The following MACC1 variants were observed in gnomAD, a reference collection of about 807,000 sequenced individuals.
MACC1 encodes MET transcriptional regulator MACC1, also known as metastasis-associated in colon cancer protein 1.
In MACC1, 79 loss-of-function variants were observed where a neutral mutation model predicts 70.7. That is an observed-to-expected ratio of 1.12 (90% CI 0.93 to 1.35). The LOEUF is 1.35. Among genes scored for constraint, MACC1 ranks in the 40% most tolerant of loss-of-function variants. MACC1 has a pLI of 0.00. For synonymous variants in MACC1, 361 were observed against 347.2 expected (o/e 1.04, Z -0.44); for missense variants, 1,106 against 978.1 (o/e 1.13, Z -1.74).
intron 1 of MACC1, among the ~76,000 whole-genome samples, chr7:20,209,598 C>T (rs1415749906): frequency 2.6e-5 from 4 of 152,158 alleles, no homozygotes; most frequent in Non-Finnish European, 5.9e-5. Context: ...TTTACAGACT[C>T]ATAGGGAGAA....
In MACC1 at chr7:20,168,577, A is replaced by G. The variant is rs147712566; in HGVS notation, c.-153+2137T>C. Among the ~76,000 whole-genome samples the G allele has an allele frequency of 8.2e-3, 1,247 of 152,306 alleles. 30 individuals carry two copies. The highest frequency in any genetic ancestry group is 0.038 in the Admixed American group (585 of 15,298). ...TACTGGGGACAGTATCCTCGGTCCCACCTTTTACAGTATGTTCAACAGTAA... is the reference window on the plus strand; with the variant it reads ...TACTGGGGACAGTATCCTCGGTCCCGCCTTTTACAGTATGTTCAACAGTAA... On this transcript the variant is annotated intron_variant, in intron 2 of 6. Coordinates refer to ENST00000400331, the MANE Select transcript of MACC1 (RefSeq NM_182762.4).
chr7:20,174,173 T>C lies in MACC1; in HGVS notation c.-217-3395A>G, dbSNP rs547645576. Among the ~76,000 whole-genome samples the C allele has an allele frequency of 5.3e-5, 8 of 152,288 alleles. No homozygotes were observed. In the South Asian group the frequency reaches 1.7e-3, roughly 32 times the overall value. On this transcript the variant is annotated intron_variant, in intron 1 of 6. Transcript: ENST00000400331. ...TTATGAATAAATATTGGTGTAATTATTAAAATTAAATGATAATGCAATATG... is the reference window on the plus strand; with the variant it reads ...TTATGAATAAATATTGGTGTAATTACTAAAATTAAATGATAATGCAATATG...
At chr7:20,199,870 T>C (rs912266833) in intron 1 of MACC1, among the ~76,000 whole-genome samples, 19 of 152,262 alleles carry the variant, frequency 1.2e-4, no homozygotes, top group African/African-American at 4.6e-4. Context: ...AAATGTTCTA[T>C]AAAATGAATC....
intron 1 of MACC1, among the ~76,000 whole-genome samples, chr7:20,180,714 G>C (rs1244715794): frequency 6.6e-6 from 1 of 152,042 alleles, no homozygotes; most frequent in African/African-American, 2.4e-5. Flanking sequence ...AGATGTGGTG[G>C]TGCGTGTCTG....
At chr7:20,178,652 T>C (rs1386711573) in intron 1 of MACC1, among the ~76,000 whole-genome samples, 1 of 152,204 alleles carries the variant, frequency 6.6e-6, no homozygotes, top group Non-Finnish European at 1.5e-5. Flanking sequence ...CAGGCAGGAG[T>C]GCAAAGGCGC....
At chr7:20,177,792 T>TA (rs1782419871) in intron 1 of MACC1, among the ~76,000 whole-genome samples, 1 of 150,514 alleles carries the variant, frequency 6.6e-6, no homozygotes, top group Non-Finnish European at 1.5e-5. Flanking sequence ...TCCAATGAAA[T>TA]AAAGTATTTA....
At chr7:20,188,855 T>C (rs1782628646) in intron 1 of MACC1, among the ~76,000 whole-genome samples, 1 of 152,236 alleles carries the variant, frequency 6.6e-6, no homozygotes, top group Non-Finnish European at 1.5e-5. Context: ...TCATATGACT[T>C]GTCTGTTCAA....
chr7:20,175,339 C>A (rs1782375091), intron 1 of MACC1, among the ~76,000 whole-genome samples: 1 of 151,960 alleles, frequency 6.6e-6, no homozygotes, highest in South Asian at 2.1e-4. Context: ...TGAATATGTA[C>A]AAAATATATA....
intron 1 of MACC1, among the ~76,000 whole-genome samples, chr7:20,183,710 CTTT>C (rs59702885): frequency 1.4e-5 from 2 of 140,560 alleles, no homozygotes; most frequent in African/African-American, 2.7e-5. Context: ...CTGATTCTAA[CTTT>C]TTTTTTTTTT....
At chr7:20,166,990 G>A (rs561074612) in intron 2 of MACC1, among the ~76,000 whole-genome samples, 1 of 152,050 alleles carries the variant, frequency 6.6e-6, no homozygotes, top group Non-Finnish European at 1.5e-5. Context: ...TGGAAGAAAA[G>A]GTATAAAGGA....
rs746708741 is a variant in MACC1 at position 20,158,635 on chromosome 7, C to T, written c.1726G>A (p.Asp576Asn). ...IDYFLEYFKG[D>N]TIALLGEGKV... ...CCTTCCCCGAGGAGAGCTATTGTGT[C>T]CCCTTTGAAATATTCAAGGAAGTAA... Residue 576 changes from aspartate (D) to asparagine (N), a missense_variant, in exon 5 of 7, where the codon GAC becomes AAC. By Grantham distance (23) the Asp-to-Asn change is conservative (BLOSUM62 1). Coordinates refer to ENST00000400331, the MANE Select transcript of MACC1 (RefSeq NM_182762.4). 3 of 1,613,898 alleles carry T rather than the reference C, an allele frequency of 1.9e-6. No individual in the cohort carries two copies. The highest frequency in any genetic ancestry group is 2.5e-6 in the Non-Finnish European group (3 of 1,179,984).
At chr7:20,196,516 A>G (rs1171414571) in intron 1 of MACC1, among the ~76,000 whole-genome samples, 2 of 152,118 alleles carry the variant, frequency 1.3e-5, no homozygotes, top group African/African-American at 4.8e-5. Flanking sequence ...TTTTGTAATT[A>G]GGTACATCCA....
intron 1 of MACC1, among the ~76,000 whole-genome samples, chr7:20,215,917 T>C (rs1783062938): frequency 6.6e-6 from 1 of 152,198 alleles, no homozygotes; most frequent in African/African-American, 2.4e-5. Context: ...GAATAAATAA[T>C]ATTTTTGCTT....
At chr7:20,202,054 A>G (rs1782841396) in intron 1 of MACC1, among the ~76,000 whole-genome samples, 1 of 152,156 alleles carries the variant, frequency 6.6e-6, no homozygotes. Flanking sequence ...ATTTATCTTC[A>G]TTTGTAAAAG....
At chr7:20,174,622 T>C (rs1782365240) in intron 1 of MACC1, among the ~76,000 whole-genome samples, 1 of 152,132 alleles carries the variant, frequency 6.6e-6, no homozygotes, top group Non-Finnish European at 1.5e-5. Context: ...CAAAATCTAC[T>C]ATTGATGTTT....
chr7:20,153,824 T>C (rs1422159967), intron 6 of MACC1, among the ~76,000 whole-genome samples: 1 of 152,146 alleles, frequency 6.6e-6, no homozygotes, highest in African/African-American at 2.4e-5. Context: ...GTACATATCA[T>C]TATGTCTTCC....
chr7:20,143,727 G>A (rs567845310), intron 6 of MACC1, among the ~76,000 whole-genome samples: 1 of 152,040 alleles, frequency 6.6e-6, no homozygotes, highest in Non-Finnish European at 1.5e-5. Context: ...GAGTAGTGTC[G>A]ATAGCTCTTG....
Position 20,161,833 on chromosome 7 carries a change from C to T in MACC1, c.30G>A (p.Arg10=), listed in dbSNP as rs771675448. 3.1e-6 allele frequency: 5 copies of T among 1,612,232 alleles called. No individual in the cohort carries two copies. Among genetic ancestry groups the T allele is most frequent in the South Asian group, 1.1e-5 (1 of 90,998 alleles). The change falls in exon 4 of 7, where the codon CGG becomes CGA. Residue 10 remains arginine (R), a synonymous_variant. Transcript: ENST00000400331. MLITERKHF[R]SGRIAQSMSE... ...ACATACTTTGTGCAATTCTTCCTGACCGAAAATGTTTTCTTTCAGTGATTA... is the reference window on the plus strand; with the variant it reads ...ACATACTTTGTGCAATTCTTCCTGATCGAAAATGTTTTCTTTCAGTGATTA...
intron 6 of MACC1, among the ~76,000 whole-genome samples, chr7:20,150,205 T>G (rs1193022056): frequency 6.6e-6 from 1 of 152,088 alleles, no homozygotes; most frequent in African/African-American, 2.4e-5. Context: ...TAAAACCTGG[T>G]TTTTAAGGAA....
Sources: allele counts gnomAD v4.1 joint callset (sites outside exome capture counted in the v4.1 genomes callset), GRCh38; gene constraint gnomAD v4.1.1; transcripts MANE v1.5; gene names NCBI Gene and HGNC (gene_info 2026-07-23, HGNC 2026-07-21).